GRM8: variants seen among roughly 807,000 people sequenced by gnomAD.
The protein encoded by GRM8 is metabotropic glutamate receptor 8.
Under a neutral mutation model 87.2 loss-of-function variants are expected in GRM8, and 47 were observed. The observed-to-expected ratio is 0.54, with a 90% CI of 0.43 to 0.69. GRM8 has a LOEUF of 0.69. Among genes scored for constraint, GRM8 ranks in the 30% least tolerant of loss-of-function variants. GRM8 has a pLI of 0.00. For missense variants in GRM8, 1,019 were observed against 1,139.2 expected (o/e 0.89, Z 1.52); for synonymous variants, 396 against 404.5 (o/e 0.98, Z 0.25).
intron 7 of GRM8, among the ~76,000 whole-genome samples, chr7:126,749,015 T>C (rs1468024585): frequency 2.0e-5 from 3 of 152,168 alleles, no homozygotes; most frequent in Admixed American, 6.6e-5. Flanking sequence ...ACCTCACACC[T>C]GTAATCCCAG....
At chr7:126,451,818 G>T (rs1252718916) in intron 9 of GRM8, among the ~76,000 whole-genome samples, 1 of 151,652 alleles carries the variant, frequency 6.6e-6, no homozygotes, top group Non-Finnish European at 1.5e-5. Context: ...AAATGCCCCA[G>T]CTCAGTGAGA....
At chr7:126,808,280 G>C (rs1230301902) in intron 6 of GRM8, among the ~76,000 whole-genome samples, 1 of 152,086 alleles carries the variant, frequency 6.6e-6, no homozygotes, top group East Asian at 1.9e-4. Flanking sequence ...CAAACAGCTA[G>C]GTAGCTCACT....
chr7:126,710,468 G>A (rs1810991278), intron 7 of GRM8, among the ~76,000 whole-genome samples: 1 of 152,128 alleles, frequency 6.6e-6, no homozygotes, highest in African/African-American at 2.4e-5. Context: ...ATCCTTTGTT[G>A]TCATTTCAAT....
intron 2 of GRM8, among the ~76,000 whole-genome samples, chr7:127,145,001 C>T (rs1488331687): frequency 1.3e-5 from 2 of 151,982 alleles, no homozygotes; most frequent in South Asian, 4.1e-4. Context: ...TGCATTAAGT[C>T]GACAAACATT....
intron 2 of GRM8, among the ~76,000 whole-genome samples, chr7:127,216,517 CAAA>C (rs58730624): frequency 1.6e-5 from 1 of 62,966 alleles, no homozygotes. Context: ...GACTCCGTCT[CAAA>C]AAAAAAAAAA....
chr7:126,654,003 C>T (rs1407569048), intron 7 of GRM8, among the ~76,000 whole-genome samples: 1 of 152,146 alleles, frequency 6.6e-6, no homozygotes, highest in South Asian at 2.1e-4. Context: ...TCCTAGAGTC[C>T]ATATCGTGGG....
chr7:127,123,179 G>T (rs1177268461), intron 2 of GRM8, among the ~76,000 whole-genome samples: 1 of 152,122 alleles, frequency 6.6e-6, no homozygotes, highest in East Asian at 1.9e-4. Flanking sequence ...TATAATAGTC[G>T]CCAGGGCTAC....
intron 7 of GRM8, among the ~76,000 whole-genome samples, chr7:126,635,013 T>A (rs1801708612): frequency 6.6e-6 from 1 of 152,148 alleles, no homozygotes; most frequent in African/African-American, 2.4e-5. Flanking sequence ...CCTGTGCGTG[T>A]TCCCTCCTCT....
intron 2 of GRM8, among the ~76,000 whole-genome samples, chr7:127,113,438 C>T (rs1563522113): frequency 1.3e-5 from 2 of 152,132 alleles, no homozygotes; most frequent in Admixed American, 1.3e-4. Context: ...AGACCTGAAT[C>T]ACGTATATTT....
chr7:126,985,533 T>A (rs1305491230), intron 3 of GRM8, among the ~76,000 whole-genome samples: 1 of 152,238 alleles, frequency 6.6e-6, no homozygotes, highest in Non-Finnish European at 1.5e-5. Flanking sequence ...TGAAACTGGT[T>A]AATTTATATG....
At chr7:126,618,367 A>C (rs1379251988) in intron 7 of GRM8, among the ~76,000 whole-genome samples, 3 of 152,218 alleles carry the variant, frequency 2.0e-5, no homozygotes, top group African/African-American at 7.2e-5. Context: ...ACCTTATACA[A>C]AAATTAATTC....
At chr7:126,449,480 C>A (rs1050017706) in intron 9 of GRM8, among the ~76,000 whole-genome samples, 4 of 151,838 alleles carry the variant, frequency 2.6e-5, no homozygotes, top group African/African-American at 4.8e-5. Flanking sequence ...AATATGCTAA[C>A]AAAGTATCCT....
chr7:126,970,061 A>G (rs1444656343), intron 3 of GRM8, among the ~76,000 whole-genome samples: 1 of 152,146 alleles, frequency 6.6e-6, no homozygotes, highest in Non-Finnish European at 1.5e-5. Flanking sequence ...ACCATGCTAT[A>G]AAGACATGTA....
intron 7 of GRM8, among the ~76,000 whole-genome samples, chr7:126,629,003 T>TA (rs1424312366): frequency 6.6e-6 from 1 of 151,830 alleles, no homozygotes; most frequent in African/African-American, 2.4e-5. Context: ...TAACAAACAT[T>TA]AAAAAAATGG....
At chr7:126,562,897 C>CAAAT (rs1793860628) in intron 8 of GRM8, among the ~76,000 whole-genome samples, 2 of 152,236 alleles carry the variant, frequency 1.3e-5, no homozygotes, top group South Asian at 4.1e-4. Flanking sequence ...AACTCCATCT[C>CAAAT]AAATAAATAA....
chr7:126,903,184 G>A (rs1223862532), intron 5 of GRM8, among the ~76,000 whole-genome samples: 1 of 152,094 alleles, frequency 6.6e-6, no homozygotes, highest in Non-Finnish European at 1.5e-5. Context: ...ATGGAGTCAT[G>A]AACTCAAGTG....
chr7:127,125,350 G>A (rs565485951), intron 2 of GRM8, among the ~76,000 whole-genome samples: 2 of 152,004 alleles, frequency 1.3e-5, no homozygotes, highest in East Asian at 3.9e-4. Context: ...AAATTCAAAG[G>A]GGAAAGGATA....
intron 8 of GRM8, among the ~76,000 whole-genome samples, chr7:126,554,392 T>G (rs1792909918): frequency 6.6e-6 from 1 of 151,404 alleles, no homozygotes. Context: ...CCAGCCAAGA[T>G]AACATAGCAA....
intron 7 of GRM8, among the ~76,000 whole-genome samples, chr7:126,712,798 T>G (rs1197043395): frequency 2.0e-5 from 3 of 152,184 alleles, no homozygotes; most frequent in Non-Finnish European, 4.4e-5. Context: ...GAATAGACAC[T>G]TCTCAAAAGA....
Sources: allele counts gnomAD v4.1 joint callset (sites outside exome capture counted in the v4.1 genomes callset), GRCh38; gene constraint gnomAD v4.1.1; transcripts MANE v1.5; gene names NCBI Gene and HGNC (gene_info 2026-07-23, HGNC 2026-07-21).